MLEC: variants seen among roughly 807,000 people sequenced by gnomAD.
The protein encoded by MLEC is malectin.
In MLEC, 7 loss-of-function variants were observed where a neutral mutation model predicts 28.7. The ratio of observed to expected loss-of-function variants is 0.24; its 90% confidence interval spans 0.14 to 0.46. The LOEUF is 0.46. MLEC is among the 20% of genes least tolerant of loss of function. MLEC has a pLI of 0.99. For missense variants in MLEC, 237 were observed against 391.1 expected (o/e 0.61, Z 3.32); for synonymous variants, 142 against 164.4 (o/e 0.86, Z 1.04).
Position 120,696,789 on chromosome 12 carries a change from T to C in MLEC, c.*244T>C. ...CTGGCTCCCAGCCTTCTCTTTCCTC[T>C]TGAGGATACTTAGGGTAAACTGGAT... On this transcript the variant is annotated 3_prime_UTR_variant, in exon 5 of 5. Transcript: ENST00000228506. This position sits in a 1 kb window ranked among gnomAD's most constrained non-coding sequence, Gnocchi z 5.4. 1 of 554,400 alleles carries C rather than the reference T, an allele frequency of 1.8e-6. No homozygotes were observed. The allele number at this position is 554,400 out of a possible 1,614,324, so 34.3% of individuals were successfully genotyped here. A position where few individuals can be genotyped will look rare whatever the true frequency, so the allele number is the denominator to read the frequency against.
rs1471168711 is a variant in MLEC at position 120,687,536 on chromosome 12, G to C, written c.235+5G>C. 1.3e-6 allele frequency: 2 copies of C among 1,493,202 alleles called. No individual in the cohort carries two copies. The highest frequency in any genetic ancestry group is 1.8e-6 in the Non-Finnish European group (2 of 1,122,886). 92.5% of individuals were successfully genotyped at this position (1,493,202 alleles called of 1,614,324 possible). Reference sequence around the variant, plus strand: ...TGGAAGGCCGGGTGGGCCGAGGTGAGAGTCCCCCTGCCGAGCCGCGGGATC... The same window carrying C: ...TGGAAGGCCGGGTGGGCCGAGGTGACAGTCCCCCTGCCGAGCCGCGGGATC... On this transcript the variant is annotated splice_donor_5th_base_variant and intron_variant, in intron 1 of 4. Coordinates refer to ENST00000228506, the MANE Select transcript of MLEC (RefSeq NM_014730.4). This position sits in a 1 kb window ranked among gnomAD's most constrained non-coding sequence, Gnocchi z 8.1.
Position 120,687,228 on chromosome 12 carries a change from G to GTCCGGGGTGGCC in MLEC, c.-67_-56dup, listed in dbSNP as rs1373035881. On this transcript the variant is annotated 5_prime_UTR_variant, in exon 1 of 5. Coordinates refer to ENST00000228506, the MANE Select transcript of MLEC (RefSeq NM_014730.4). The surrounding 1 kb of genome is among the most constrained non-coding windows in gnomAD (Gnocchi z 8.1). Reference sequence around the variant, plus strand: ...GCGGCCCGTGGCGCTGTTTTTCTGAGTCCGGGGTGGCCTGGCAGCCGGCCG... The same window carrying GTCCGGGGTGGCC: ...GCGGCCCGTGGCGCTGTTTTTCTGAGTCCGGGGTGGCCTCCGGGGTGGCCTGGCAGCCGGCCG... 9.8e-5 allele frequency: 130 copies of GTCCGGGGTGGCC among 1,329,696 alleles called. No individual in the cohort carries two copies. In the African/African-American group the frequency reaches 1.8e-3, roughly 19 times the overall value. The allele number at this position is 1,329,696 out of a possible 1,614,324, so 82.4% of individuals were successfully genotyped here.
chr12:120,690,702 T>C (rs1422725211), intron 1 of MLEC, among the ~76,000 whole-genome samples: 1 of 152,192 alleles, frequency 6.6e-6, no homozygotes, highest in East Asian at 1.9e-4. Flanking sequence ...TGCTGTAACC[T>C]TAAGGAATAC....
Position 120,698,575 on chromosome 12 carries a change from T to A in MLEC, c.*2030T>A, listed in dbSNP as rs941218137. On this transcript the variant is annotated 3_prime_UTR_variant, in exon 5 of 5. Coordinates refer to ENST00000228506, the MANE Select transcript of MLEC (RefSeq NM_014730.4). ...CTTCTGGCAGTAGCTTTGGTTCCTA[T>A]CCCATCGAAATTCCCCAAAGCCCTG... 2.0e-5 allele frequency: 3 copies of A among 152,276 alleles called. No homozygotes were observed. The highest frequency in any genetic ancestry group is 7.2e-5 in the African/African-American group (3 of 41,444). The allele number at this position is 152,276 out of a possible 1,614,324, so 9.4% of individuals were successfully genotyped here.
Position 120,697,307 on chromosome 12 carries a change from TTTTG to T in MLEC, c.*778_*781del, listed in dbSNP as rs3884201. ...TGTTGGGGACTTGATTTCTTCTCAG[TTTTG>T]TTTGTTTGTTTGTTTCCTTAATCTG... On this transcript the variant is annotated 3_prime_UTR_variant, in exon 5 of 5. Coordinates refer to ENST00000228506, the MANE Select transcript of MLEC (RefSeq NM_014730.4). The surrounding 1 kb of genome is among the most constrained non-coding windows in gnomAD (Gnocchi z 4.8). 3.3e-3 allele frequency: 507 copies of T among 152,694 alleles called. 1 individual carries two copies. Among genetic ancestry groups the T allele is most frequent in the South Asian group, 0.011 (54 of 4,820 alleles). 9.5% of individuals were successfully genotyped at this position (152,694 alleles called of 1,614,324 possible).
chr12:120,693,297 A>G (rs780821473), intron 1 of MLEC, among the ~76,000 whole-genome samples: 2 of 152,104 alleles, frequency 1.3e-5, no homozygotes, highest in Non-Finnish European at 2.9e-5. Context: ...CACCTCCTTC[A>G]TTGTCATTTA....
chr12:120,696,194 G>T lies in MLEC; in HGVS notation c.650-122G>T. 1.6e-6 allele frequency: 2 copies of T among 1,252,202 alleles called. No homozygotes were observed. The highest frequency in any genetic ancestry group is 1.5e-5 in the African/African-American group (1 of 66,902). The allele number at this position is 1,252,202 out of a possible 1,614,324, so 77.6% of individuals were successfully genotyped here. On this transcript the variant is annotated intron_variant, in intron 4 of 4. Transcript: ENST00000228506. This position sits in a 1 kb window ranked among gnomAD's most constrained non-coding sequence, Gnocchi z 5.4. The stretch of plus-strand genomic sequence containing the variant: ...CCAGAGGCTATTTCTGCTACTTCTG[G>T]TCTTTTCTCTGGACCCGGGTTCAAT...
rs1881874875 is a variant in MLEC, at chr12:120,687,587, C to T, written c.235+56C>T. ...CAGGGCCTGCTGTGCTGGGCGCAGC[C>T]GGCCGGGGGCTGCGGGCCCCGAGCC... On this transcript the variant is annotated intron_variant, in intron 1 of 4. Transcript: ENST00000228506. This position sits in a 1 kb window ranked among gnomAD's most constrained non-coding sequence, Gnocchi z 8.1. 3 of 1,342,684 alleles carry T rather than the reference C, an allele frequency of 2.2e-6. No homozygotes were observed. The highest frequency in any genetic ancestry group is 3.0e-6 in the Non-Finnish European group (3 of 1,016,446). 83.2% of individuals were successfully genotyped at this position (1,342,684 alleles called of 1,614,324 possible). A position where few individuals can be genotyped will look rare whatever the true frequency, so the allele number is the denominator to read the frequency against.
intron 4 of MLEC, among the ~76,000 whole-genome samples, chr12:120,695,499 C>T (rs1882196686): frequency 6.6e-6 from 1 of 152,168 alleles, no homozygotes; most frequent in Non-Finnish European, 1.5e-5. Flanking sequence ...TGTTTGACAT[C>T]TCTTTCCTAG....
intron 4 of MLEC, among the ~76,000 whole-genome samples, chr12:120,695,734 C>G (rs552006838): frequency 2.7e-4 from 41 of 152,348 alleles, no homozygotes; most frequent in South Asian, 1.9e-3. Flanking sequence ...ATTTCTCCCC[C>G]ATTCCACCTC....
chr12:120,690,937 C>T (rs577242704), intron 1 of MLEC, among the ~76,000 whole-genome samples: 24 of 152,310 alleles, frequency 1.6e-4, no homozygotes, highest in Admixed American at 5.2e-4. Flanking sequence ...TCCCTGAATC[C>T]GTGGGTTCGC....
At chr12:120,692,461 T>G (rs1363143090) in intron 1 of MLEC, among the ~76,000 whole-genome samples, 1 of 152,088 alleles carries the variant, frequency 6.6e-6, no homozygotes, top group Non-Finnish European at 1.5e-5. Context: ...AAGAAAAAAG[T>G]CTGAAGACAA....
At chr12:120,693,160 T>C (rs1882101216) in intron 1 of MLEC, among the ~76,000 whole-genome samples, 1 of 152,262 alleles carries the variant, frequency 6.6e-6, no homozygotes, top group Admixed American at 6.5e-5. Flanking sequence ...TCCTCTCTCA[T>C]TCCTTGTCAG....
In MLEC at chr12:120,687,728, CAG is replaced by C; in HGVS notation, c.235+202_235+203del. Among the ~76,000 whole-genome samples, 1 of 152,226 alleles carries C rather than the reference CAG, an allele frequency of 6.6e-6. No homozygotes were observed. Among genetic ancestry groups the C allele is most frequent in the African/African-American group, 2.4e-5 (1 of 41,462 alleles). On this transcript the variant is annotated intron_variant, in intron 1 of 4. Transcript: ENST00000228506. The surrounding 1 kb of genome is among the most constrained non-coding windows in gnomAD (Gnocchi z 8.1). Reference sequence around the variant, plus strand: ...TCCAAGGTACCTAGAGTCATACAGGCAGAGAGTTGGCCAGAAGTTAGTTATAT... The same window carrying C: ...TCCAAGGTACCTAGAGTCATACAGGCAGAGTTGGCCAGAAGTTAGTTATAT...
chr12:120,695,026 T>C (rs766408970), intron 3 of MLEC, 26 bp downstream of exon 3: 8 of 1,614,008 alleles, frequency 5.0e-6, no homozygotes, highest in African/African-American at 2.7e-5. Flanking sequence ...TGCCCATTGC[T>C]GAAGAGAGTG....
rs946003471 is a variant in MLEC, at chr12:120,689,058, C to G, written c.235+1527C>G. On this transcript the variant is annotated intron_variant, in intron 1 of 4. Coordinates refer to ENST00000228506, the MANE Select transcript of MLEC (RefSeq NM_014730.4). ...AGGGTGCTGAGCGGATGGTTTCTTT[C>G]ACTTAGCAGATACCAGGCCTTACAT... 1.8e-4 allele frequency among the ~76,000 whole-genome samples: 28 copies of G among 152,220 alleles called. 1 individual carries two copies. Among genetic ancestry groups the G allele is most frequent in the Admixed American group, 1.8e-3 (27 of 15,276 alleles).
Position 120,699,725 on chromosome 12 carries a change from C to T in MLEC, c.*3180C>T, listed in dbSNP as rs1882374964. ...CAATGGCGTTAGACTCCCAGGAAGA[C>T]TAGCCCTGCCCACAGGGCCACCTGT... On this transcript the variant is annotated 3_prime_UTR_variant, in exon 5 of 5. Coordinates refer to ENST00000228506, the MANE Select transcript of MLEC (RefSeq NM_014730.4). 6.6e-6 allele frequency: 1 copy of T among 152,554 alleles called. No homozygotes were observed. The highest frequency in any genetic ancestry group is 2.1e-4 in the South Asian group (1 of 4,834). 9.5% of individuals were successfully genotyped at this position (152,554 alleles called of 1,614,324 possible).
chr12:120,693,163 C>G (rs1009387085), intron 1 of MLEC, among the ~76,000 whole-genome samples: 17 of 152,230 alleles, frequency 1.1e-4, no homozygotes, highest in African/African-American at 4.1e-4. Context: ...TCTCTCATTC[C>G]TTGTCAGTTT....
Position 120,696,339 on chromosome 12 carries a change from C to T in MLEC, c.673C>T (p.Pro225Ser). Residue 225 changes from proline to serine, a missense_variant, in exon 5 of 5, where the codon CCG (proline) becomes TCG (serine). By Grantham distance (74) the Pro-to-Ser change is moderately conservative. Coordinates refer to ENST00000228506, the MANE Select transcript of MLEC (RefSeq NM_014730.4). This position sits in a 1 kb window ranked among gnomAD's most constrained non-coding sequence, Gnocchi z 5.4. ...VDDVPKLQPH[P>S]GLEKKEEEEE... is the part of the protein sequence containing the mutation. ...AGATGTACCAAAGCTTCAGCCTCATCCGGGATTGGAGAAGAAAGAAGAGGA... is the reference window on the plus strand; with the variant it reads ...AGATGTACCAAAGCTTCAGCCTCATTCGGGATTGGAGAAGAAAGAAGAGGA... 1.9e-6 allele frequency: 3 copies of T among 1,614,024 alleles called. No individual in the cohort carries two copies. Among genetic ancestry groups the T allele is most frequent in the Non-Finnish European group, 8.5e-7 (1 of 1,180,006 alleles).
Sources: allele counts gnomAD v4.1 joint callset (sites outside exome capture counted in the v4.1 genomes callset), GRCh38; gene constraint gnomAD v4.1.1; non-coding constraint Gnocchi (gnomAD v3.1); transcripts MANE v1.5; gene names NCBI Gene and HGNC (gene_info 2026-07-23, HGNC 2026-07-21).